The following SVEP1 variants were observed in gnomAD, a reference collection of about 807,000 sequenced individuals.
SVEP1 encodes sushi, von Willebrand factor type A, EGF and pentraxin domain containing 1.
SVEP1 carries 164 observed loss-of-function variants against 367.3 expected under a neutral mutation model. The observed-to-expected ratio is 0.45, with a 90% CI of 0.39 to 0.51. The LOEUF (loss-of-function observed/expected upper bound fraction) is 0.51. Ranked by LOEUF, SVEP1 falls within the 20% of genes least tolerant of loss-of-function variation. The pLI is 0.00. For missense variants in SVEP1, 4,117 were observed against 4,425.3 expected (o/e 0.93, Z 1.98); for synonymous variants, 1,666 against 1,611.6 (o/e 1.03, Z -0.81).
At chr9:110,510,784 G>C (rs986541165) in intron 5 of SVEP1, among the ~76,000 whole-genome samples, 1 of 152,180 alleles carries the variant, frequency 6.6e-6, no homozygotes. Context: ...TAAGGTATTT[G>C]GAAGAAGGGG....
At chr9:110,381,733 T>C (rs1200699172) in intron 43 of SVEP1, among the ~76,000 whole-genome samples, 1 of 152,212 alleles carries the variant, frequency 6.6e-6, no homozygotes, top group Non-Finnish European at 1.5e-5. Context: ...TGAGTTCAAG[T>C]CCTGAATATC....
intron 6 of SVEP1, among the ~76,000 whole-genome samples, chr9:110,499,775 A>G (rs539203269): frequency 6.6e-6 from 1 of 152,356 alleles, no homozygotes; most frequent in South Asian, 2.1e-4. Flanking sequence ...GGCAGAATGC[A>G]GATGGAATGG....
intron 41 of SVEP1, among the ~76,000 whole-genome samples, chr9:110,388,169 G>A (rs930043010): frequency 6.6e-6 from 1 of 150,756 alleles, no homozygotes; most frequent in African/African-American, 2.4e-5. Context: ...TAAAGAACAG[G>A]GACCCAAGAG....
chr9:110,518,461 G>A (rs898193525), intron 3 of SVEP1, among the ~76,000 whole-genome samples: 5 of 151,668 alleles, frequency 3.3e-5, no homozygotes, highest in Non-Finnish European at 5.9e-5. Context: ...ATAAAAGAGA[G>A]TATTGTCTCA....
In SVEP1 at chr9:110,385,333, G is replaced by A. The variant is rs776655263; in HGVS notation, c.10237+565C>T. Among the ~76,000 whole-genome samples, 5 of 152,298 alleles carry A rather than the reference G, an allele frequency of 3.3e-5. No individual in the cohort carries two copies. In the East Asian group the frequency reaches 5.8e-4, roughly 18 times the overall value. ...AAAAGTGTGCGTTAAAAAACGTTGC[G>A]TTATCACAAGGCTGAAAAAGATGCC... On this transcript the variant is annotated intron_variant, in intron 43 of 47. Transcript: ENST00000374469.
intron 21 of SVEP1, among the ~76,000 whole-genome samples, chr9:110,456,467 C>T (rs200887322): frequency 6.6e-6 from 1 of 152,066 alleles, no homozygotes; most frequent in Non-Finnish European, 1.5e-5. Flanking sequence ...CACAGAGACA[C>T]ACATGCACAC....
chr9:110,408,734 A>G lies in SVEP1; in HGVS notation c.6866T>C (p.Phe2289Ser), dbSNP rs373572197. 5.0e-6 allele frequency: 8 copies of G among 1,613,824 alleles called. No homozygotes were observed. The African/African-American group carries it at 8.0e-5, about 16-fold the overall frequency. ...NFEVGSKVQF[F>S]CNEGYELVGD... is the part of the protein sequence containing the mutation. ...AACAAGCTCATAACCCTCATTACAG[A>G]AAAACTGAACCTTGGACCCTACTTC... The change falls in exon 38 of 48, where the codon TTC (phenylalanine) becomes TCC (serine). Residue 2289 changes from phenylalanine to serine, a missense_variant. Phe to Ser is a radical substitution (Grantham distance 155, BLOSUM62 -2). This residue lies in a region of SVEP1 where 1,765 missense variants were observed against 1,781.1 expected (regional missense o/e 0.99). Transcript: ENST00000374469.
intron 1 of SVEP1, among the ~76,000 whole-genome samples, chr9:110,574,525 T>A (rs10980455): frequency 0.064 from 9,817 of 152,242 alleles, 357 homozygotes; most frequent in East Asian, 0.09. Context: ...TAGCTTACCA[T>A]TTTCAAACTA....
At chr9:110,422,719 C>A (rs1828179338) in intron 36 of SVEP1, among the ~76,000 whole-genome samples, 1 of 129,594 alleles carries the variant, frequency 7.7e-6, no homozygotes, top group Admixed American at 7.6e-5. Flanking sequence ...TGGAACCAAT[C>A]CAAATGTCCA....
chr9:110,409,043 C>T (rs1035538331), intron 37 of SVEP1, 92 bp from the exon 38 acceptor site: 8 of 1,384,436 alleles, frequency 5.8e-6, no homozygotes, highest in South Asian at 1.5e-5. Context: ...ACTAAAAGGT[C>T]TATGTTAAAA....
intron 39 of SVEP1, among the ~76,000 whole-genome samples, chr9:110,402,068 C>T (rs535860705): frequency 1.3e-5 from 2 of 152,010 alleles, no homozygotes; most frequent in South Asian, 4.2e-4. Context: ...AGAAATCTTT[C>T]TGGGTATTAT....
chr9:110,525,356 T>C (rs1388846047), intron 3 of SVEP1, among the ~76,000 whole-genome samples: 1 of 152,204 alleles, frequency 6.6e-6, no homozygotes, highest in Non-Finnish European at 1.5e-5. Context: ...TTTACAATTA[T>C]TTACTATTGC....
chr9:110,539,616 TA>T (rs1447860745), intron 3 of SVEP1, among the ~76,000 whole-genome samples: 1 of 826 alleles, frequency 1.2e-3, no homozygotes, highest in African/African-American at 0.029. Flanking sequence ...ATTTTTAAAG[TA>T]TATATATACA....
At chr9:110,397,655 A>C (rs1827786696) in intron 40 of SVEP1, among the ~76,000 whole-genome samples, 1 of 152,226 alleles carries the variant, frequency 6.6e-6, no homozygotes, top group Non-Finnish European at 1.5e-5. Flanking sequence ...GTCTCAGGAT[A>C]CAAAATCAAT....
At chr9:110,436,017 C>T (rs1004445610) in intron 28 of SVEP1, among the ~76,000 whole-genome samples, 6 of 149,994 alleles carry the variant, frequency 4.0e-5, no homozygotes, top group African/African-American at 1.5e-4. Flanking sequence ...TGGATGATCT[C>T]GTGCCAGCCT....
intron 18 of SVEP1, among the ~76,000 whole-genome samples, chr9:110,464,354 A>C (rs1255968885): frequency 6.6e-6 from 1 of 152,194 alleles, no homozygotes; most frequent in Non-Finnish European, 1.5e-5. Flanking sequence ...CAGGTCTCAG[A>C]CTTATATCTA....
chr9:110,539,864 A>G (rs1290272574), intron 3 of SVEP1, among the ~76,000 whole-genome samples: 3 of 151,974 alleles, frequency 2.0e-5, no homozygotes, highest in Non-Finnish European at 2.9e-5. Flanking sequence ...ATAAAAATTG[A>G]AATTAATTTT....
chr9:110,495,927 G>T (rs1829438698), intron 8 of SVEP1, among the ~76,000 whole-genome samples: 1 of 152,064 alleles, frequency 6.6e-6, no homozygotes, highest in Non-Finnish European at 1.5e-5. Flanking sequence ...TAAAAGATAG[G>T]TTCATAAATA....
rs1274898784 is a variant in SVEP1 at position 110,455,587 on chromosome 9, T to C, written c.3787+3A>G. The stretch of plus-strand genomic sequence containing the variant: ...TGTTGAAAACAGGAGACCTTCCCCT[T>C]ACCTGTGTAACCTGATGGGCACTCA... On this transcript the variant is annotated splice_donor_region_variant and intron_variant, in intron 22 of 47. Coordinates refer to ENST00000374469, the MANE Select transcript of SVEP1 (RefSeq NM_153366.4). 3 of 1,608,346 alleles carry C rather than the reference T, an allele frequency of 1.9e-6. No individual in the cohort carries two copies. The African/African-American group carries it at 4.0e-5, about 22-fold the overall frequency.
Sources: allele counts gnomAD v4.1 joint callset (sites outside exome capture counted in the v4.1 genomes callset), GRCh38; gene constraint gnomAD v4.1.1; regional missense constraint gnomAD v4.1.1; transcripts MANE v1.5; gene names NCBI Gene and HGNC (gene_info 2026-07-23, HGNC 2026-07-21).